The following MCTP1 variants were observed in gnomAD, a reference collection of about 807,000 sequenced individuals.
MCTP1 encodes the protein multiple C2 and transmembrane domain-containing protein 1.
In MCTP1, 69 loss-of-function variants were observed where a neutral mutation model predicts 120.6. That is an observed-to-expected ratio of 0.57 (90% CI 0.47 to 0.70). MCTP1 has a LOEUF of 0.70. Ranked by LOEUF, MCTP1 falls within the 30% of genes least tolerant of loss-of-function variation. MCTP1 has a pLI of 0.00. For synonymous variants in MCTP1, 529 were observed against 493.1 expected (o/e 1.07, Z -0.96); for missense variants, 1,203 against 1,248.8 (o/e 0.96, Z 0.55).
intron 2 of MCTP1, among the ~76,000 whole-genome samples, chr5:94,999,289 C>T (rs1833191842): frequency 6.6e-6 from 1 of 152,076 alleles, no homozygotes; most frequent in Admixed American, 6.5e-5. Flanking sequence ...AGCTAATTAA[C>T]GTCAGGTAAA....
chr5:94,711,906 ACTT>A (rs1168457518), intron 20 of MCTP1, among the ~76,000 whole-genome samples: 3 of 152,142 alleles, frequency 2.0e-5, no homozygotes, highest in Non-Finnish European at 2.9e-5. Context: ...CCAGTCTGGT[ACTT>A]CTTAAGAGTG....
At chr5:95,246,756 G>A (rs1189134443) in intron 1 of MCTP1, among the ~76,000 whole-genome samples, 1 of 152,152 alleles carries the variant, frequency 6.6e-6, no homozygotes, top group Non-Finnish European at 1.5e-5. Flanking sequence ...AGATCATGGT[G>A]GATAAGCTTT....
chr5:94,715,382 A>C (rs913212636), intron 19 of MCTP1, among the ~76,000 whole-genome samples: 26 of 150,920 alleles, frequency 1.7e-4, no homozygotes, highest in Admixed American at 6.6e-4. Flanking sequence ...AAAAAAAAAA[A>C]AAAAAAACAC....
Position 94,935,641 on chromosome 5 carries a change from CAT to C in MCTP1, c.1174-3652_1174-3651del, listed in dbSNP as rs1360491354. On this transcript the variant is annotated intron_variant, in intron 5 of 22. Transcript: ENST00000515393. ...TTATCAACACAGGCATAAGAATAAA[CAT>C]GTGGTTTTTGAACTAACATCTTCAG... Among the ~76,000 whole-genome samples the C allele has an allele frequency of 7.9e-5, 12 of 152,074 alleles. 1 individual carries two copies. In the East Asian group the frequency reaches 9.7e-4, roughly 12 times the overall value.
rs530633139 is a variant in MCTP1, at chr5:95,095,573, A to C, written c.721-78089T>G. 1.1e-4 allele frequency among the ~76,000 whole-genome samples: 17 copies of C among 152,310 alleles called. No individual in the cohort carries two copies. The East Asian group carries it at 3.3e-3, about 29-fold the overall frequency. ...GGGATTACAAAAATAACTGCATCCA[A>C]ACCACGCTCAAGTTTACGGTGCTAC... On this transcript the variant is annotated intron_variant, in intron 1 of 22. Transcript: ENST00000515393.
At chr5:94,933,142 A>C (rs1281596188) in intron 5 of MCTP1, among the ~76,000 whole-genome samples, 1 of 151,944 alleles carries the variant, frequency 6.6e-6, no homozygotes, top group Non-Finnish European at 1.5e-5. Flanking sequence ...CAAAACATAA[A>C]AGAATAATAG....
At chr5:94,985,031 A>C (rs771007858) in intron 2 of MCTP1, among the ~76,000 whole-genome samples, 12 of 152,188 alleles carry the variant, frequency 7.9e-5, no homozygotes, top group Non-Finnish European at 1.5e-4. Flanking sequence ...ATGTGTGATA[A>C]AACTAATTAA....
intron 1 of MCTP1, among the ~76,000 whole-genome samples, chr5:95,148,453 C>A (rs1244056025): frequency 2.6e-5 from 4 of 152,180 alleles, no homozygotes; most frequent in Non-Finnish European, 4.4e-5. Flanking sequence ...AGTCTTCAAG[C>A]TCTGACATTC....
intron 17 of MCTP1, among the ~76,000 whole-genome samples, chr5:94,836,916 G>A (rs1430934905): frequency 6.6e-6 from 1 of 152,202 alleles, no homozygotes; most frequent in African/African-American, 2.4e-5. Flanking sequence ...AGGACCATTA[G>A]TAATGCCAAT....
chr5:94,884,661 T>C (rs1800869312), intron 12 of MCTP1, among the ~76,000 whole-genome samples: 1 of 151,956 alleles, frequency 6.6e-6, no homozygotes, highest in South Asian at 2.1e-4. Flanking sequence ...AGGACTGAAA[T>C]TGAACACATC....
intron 1 of MCTP1, among the ~76,000 whole-genome samples, chr5:95,221,715 T>A (rs867304210): frequency 2.6e-4 from 40 of 152,246 alleles, no homozygotes; most frequent in African/African-American, 8.7e-4. Flanking sequence ...TTGTTTCATC[T>A]GTTGAGGTGA....
chr5:95,270,696 G>A (rs1475891683), intron 1 of MCTP1, among the ~76,000 whole-genome samples: 1 of 152,142 alleles, frequency 6.6e-6, no homozygotes, highest in African/African-American at 2.4e-5. Context: ...TTGGGAGGCT[G>A]AGGTGGGTGG....
intron 1 of MCTP1, among the ~76,000 whole-genome samples, chr5:95,021,429 T>A (rs1838180621): frequency 6.6e-6 from 1 of 152,126 alleles, no homozygotes; most frequent in South Asian, 2.1e-4. Flanking sequence ...TATAATTTCA[T>A]GATATTAAGT....
At chr5:94,867,252 C>T in intron 17 of MCTP1, 3 of 1,468,934 alleles carry the variant, frequency 2.0e-6, no homozygotes, top group Non-Finnish European at 2.7e-6. Flanking sequence ...ATGACAATTG[C>T]TTTCTTTAGG....
At chr5:95,050,855 G>C (rs1030539448) in intron 1 of MCTP1, among the ~76,000 whole-genome samples, 2 of 152,064 alleles carry the variant, frequency 1.3e-5, no homozygotes, top group African/African-American at 2.4e-5. Flanking sequence ...GGGTAGGATG[G>C]GCCCCTAATT....
At chr5:94,909,468 T>C (rs1807876146) in intron 9 of MCTP1, 87 bp from the exon 10 acceptor site, 1 of 1,353,056 alleles carries the variant, frequency 7.4e-7, no homozygotes, top group Non-Finnish European at 1.0e-6. Context: ...CTTTTGGTAC[T>C]ATAGTATCTA....
intron 3 of MCTP1, among the ~76,000 whole-genome samples, chr5:94,946,336 C>T (rs1050864222): frequency 1.3e-5 from 2 of 152,122 alleles, no homozygotes; most frequent in African/African-American, 4.8e-5. Flanking sequence ...TGGGCCAGCT[C>T]ATATCACATG....
At chr5:94,848,322 C>G (rs1444321695) in intron 17 of MCTP1, among the ~76,000 whole-genome samples, 1 of 152,144 alleles carries the variant, frequency 6.6e-6, no homozygotes, top group Non-Finnish European at 1.5e-5. Context: ...GTCTGCCAGA[C>G]TCTTCAAAAC....
intron 2 of MCTP1, among the ~76,000 whole-genome samples, chr5:95,007,746 A>C (rs1260248301): frequency 6.6e-6 from 1 of 152,214 alleles, no homozygotes; most frequent in Non-Finnish European, 1.5e-5. Context: ...GTGAAACTTC[A>C]CTGGGGGTAA....
Sources: allele counts gnomAD v4.1 joint callset (sites outside exome capture counted in the v4.1 genomes callset), GRCh38; gene constraint gnomAD v4.1.1; transcripts MANE v1.5; gene names NCBI Gene and HGNC (gene_info 2026-07-23, HGNC 2026-07-21).